MED12L: variants seen among roughly 807,000 people sequenced by gnomAD.
The protein encoded by MED12L is mediator complex subunit 12L, also known as mediator of RNA polymerase II transcription subunit 12-like protein.
MED12L carries 60 observed loss-of-function variants against 281.3 expected under a neutral mutation model. That is an observed-to-expected ratio of 0.21 (90% CI 0.17 to 0.26). The LOEUF is 0.26. Ranked by LOEUF, MED12L falls within the 10% of genes least tolerant of loss-of-function variation. The pLI is 1.00. For synonymous variants in MED12L, 974 were observed against 987.2 expected, an observed-to-expected ratio of 0.99 and a Z score of 0.25; for missense variants, 2,146 against 2,680.9, an observed-to-expected ratio of 0.80 and a Z score of 4.41.
At chr3:151,213,756 T>G (rs200238332) in intron 16 of MED12L, 1 of 1,614,190 alleles carries the variant, frequency 6.2e-7, no homozygotes, top group East Asian at 2.2e-5. Context: ...AGATGTAGTT[T>G]GATGCTTTGT....
intron 16 of MED12L, chr3:151,295,108 C>A: frequency 6.2e-7 from 1 of 1,613,122 alleles, no homozygotes; most frequent in South Asian, 1.1e-5. Flanking sequence ...GATAAAGCAC[C>A]GGCAAGACAA....
rs1718678300 is a variant in MED12L, at chr3:151,424,752, G to C, written c.6409-5547G>C. 1.3e-5 allele frequency among the ~76,000 whole-genome samples: 2 copies of C among 152,200 alleles called. 1 individual carries two copies. Among genetic ancestry groups the C allele is most frequent in the South Asian group, 4.1e-4 (2 of 4,824 alleles). ...TGAGAGTGTGGACTGAGAGTGTGCCGCCCTGTGAGAGTGGAGATGTGGCTG... is the reference window on the plus strand; with the variant it reads ...TGAGAGTGTGGACTGAGAGTGTGCCCCCCTGTGAGAGTGGAGATGTGGCTG... On this transcript the variant is annotated intron_variant, in intron 43 of 44. Transcript: ENST00000687756.
At chr3:151,317,914 T>G (rs920083737) in intron 16 of MED12L, among the ~76,000 whole-genome samples, 1 of 152,110 alleles carries the variant, frequency 6.6e-6, no homozygotes, top group African/African-American at 2.4e-5. Context: ...TAATCAAAGG[T>G]GAAAACTTTT....
At chr3:151,331,776 T>C (rs1750380502) in intron 16 of MED12L, among the ~76,000 whole-genome samples, 2 of 150,192 alleles carry the variant, frequency 1.3e-5, no homozygotes, top group African/African-American at 2.4e-5. Flanking sequence ...GATTATATTA[T>C]CTTATTTAAT....
chr3:151,392,467 G>GAAAAAAAAAAAAAAAAAAAAAAAA (rs200781609), intron 38 of MED12L, among the ~76,000 whole-genome samples: 1 of 95,858 alleles, frequency 1.0e-5, no homozygotes, highest in Non-Finnish European at 2.0e-5. Context: ...TCCATCTCAA[G>GAAAAAAAAAAAAAAAAAAAAAAAA]AAAAAAAAAA....
chr3:151,294,206 G>T lies in MED12L; in HGVS notation c.2251-55853G>T, dbSNP rs142901780. On this transcript the variant is annotated intron_variant, in intron 16 of 44. Transcript: ENST00000687756. ...GTAATCATAATATATGCGAACTTCC[G>T]ATCTTCTCACACTTTGCAGTGATCT... The T allele has an allele frequency of 9.2e-4, 1,478 of 1,610,994 alleles. 2 individuals carry two copies. The highest frequency in any genetic ancestry group is 2.4e-3 in the Admixed American group (146 of 59,764).
intron 5 of MED12L, among the ~76,000 whole-genome samples, chr3:151,137,416 C>T (rs1408170151): frequency 6.6e-6 from 1 of 152,104 alleles, no homozygotes; most frequent in Non-Finnish European, 1.5e-5. Flanking sequence ...ATTTTCCTGC[C>T]TCAGATCTCC....
intron 2 of MED12L, among the ~76,000 whole-genome samples, chr3:151,111,342 T>A (rs1711857219): frequency 6.6e-6 from 1 of 152,258 alleles, no homozygotes; most frequent in African/African-American, 2.4e-5. Flanking sequence ...CTTGGTCAAG[T>A]TAGTTTCTCT....
chr3:151,308,836 C>A (rs1026115866), intron 16 of MED12L, among the ~76,000 whole-genome samples: 9 of 152,134 alleles, frequency 5.9e-5, no homozygotes, highest in Admixed American at 3.9e-4. Context: ...TACCCTTATT[C>A]TTGTAATCAC....
At chr3:151,162,594 A>G (rs1430659286) in intron 8 of MED12L, among the ~76,000 whole-genome samples, 1 of 151,202 alleles carries the variant, frequency 6.6e-6, no homozygotes, top group African/African-American at 2.4e-5. Flanking sequence ...GTGCATCACC[A>G]CACCCAGCTA....
intron 39 of MED12L, among the ~76,000 whole-genome samples, chr3:151,407,587 A>G (rs1716473335): frequency 6.6e-6 from 1 of 152,294 alleles, no homozygotes; most frequent in Non-Finnish European, 1.5e-5. Context: ...CTTTGGGAAG[A>G]ACAGTTTTAG....
At chr3:151,166,693 A>G (rs1292361830) in intron 11 of MED12L, among the ~76,000 whole-genome samples, 1 of 144,948 alleles carries the variant, frequency 6.9e-6, no homozygotes, top group Non-Finnish European at 1.5e-5. Context: ...TTTTTTTTTT[A>G]AAGACAGAGT....
At chr3:151,312,125 G>A (rs1251668914) in intron 16 of MED12L, among the ~76,000 whole-genome samples, 1 of 152,184 alleles carries the variant, frequency 6.6e-6, no homozygotes, top group Non-Finnish European at 1.5e-5. Context: ...GTTTTGAAAG[G>A]CCCAGTGATT....
chr3:151,163,283 G>A (rs994381496), intron 8 of MED12L, among the ~76,000 whole-genome samples: 19 of 152,062 alleles, frequency 1.2e-4, no homozygotes, highest in South Asian at 8.3e-4. Flanking sequence ...GATCAAATTC[G>A]GCCCACAAGG....
At chr3:151,345,517 C>CTTT (rs201731496) in intron 16 of MED12L, among the ~76,000 whole-genome samples, 2 of 131,648 alleles carry the variant, frequency 1.5e-5, no homozygotes, top group African/African-American at 2.8e-5. Context: ...TTTTCTTTTT[C>CTTT]TTTTTTTTTT....
intron 39 of MED12L, among the ~76,000 whole-genome samples, chr3:151,397,719 T>C (rs1477605949): frequency 6.6e-6 from 1 of 152,228 alleles, no homozygotes; most frequent in Non-Finnish European, 1.5e-5. Flanking sequence ...CTCAGGTTAC[T>C]CACCCACATA....
chr3:151,306,458 C>T (rs953477612), intron 16 of MED12L, among the ~76,000 whole-genome samples: 29 of 152,142 alleles, frequency 1.9e-4, no homozygotes, highest in South Asian at 6.2e-4. Flanking sequence ...TCTGGTGTTA[C>T]GAAAAGCTTC....
chr3:151,377,114 C>G lies in MED12L; in HGVS notation c.4252C>G (p.Pro1418Ala). ...SSNSGMSLFN[P>A]NSIGSADTSS... Reference sequence around the variant, plus strand: ...TAATTCTGGCATGAGCCTCTTCAACCCAAACAGTATTGGAAGTGCTGATAC... The same window carrying G: ...TAATTCTGGCATGAGCCTCTTCAACGCAAACAGTATTGGAAGTGCTGATAC... The change falls in exon 30 of 45, where the codon CCA (proline) becomes GCA (alanine). Residue 1418 changes from proline (P) to alanine (A), a missense_variant. Pro to Ala is a conservative substitution (Grantham distance 27, BLOSUM62 -1). Coordinates refer to ENST00000687756, the MANE Select transcript of MED12L (RefSeq NM_001393769.1). 1.2e-6 allele frequency: 2 copies of G among 1,614,020 alleles called. No homozygotes were observed. Among genetic ancestry groups the G allele is most frequent in the South Asian group, 2.2e-5 (2 of 91,076 alleles).
chr3:151,268,061 T>C (rs1740176334), intron 16 of MED12L, among the ~76,000 whole-genome samples: 1 of 152,208 alleles, frequency 6.6e-6, no homozygotes, highest in Non-Finnish European at 1.5e-5. Context: ...CTGGAAATGC[T>C]CTGTTTTAAT....
Sources: gnomAD v4.1 joint callset for allele counts (sites outside exome capture counted in the v4.1 genomes callset) on GRCh38, gnomAD v4.1.1 for gene constraint, MANE v1.5 for transcripts, NCBI Gene and HGNC (gene_info 2026-07-23, HGNC 2026-07-21) for gene names.